The following NLRP12 variants were observed in gnomAD, a reference collection of about 807,000 sequenced individuals.
NLRP12 encodes the protein NLR family pyrin domain containing 12.
In NLRP12, 108 loss-of-function variants were observed where a neutral mutation model predicts 91.2. The observed-to-expected ratio is 1.18, with a 90% confidence interval of 1.01 to 1.39. The LOEUF (loss-of-function observed/expected upper bound fraction) is 1.39. Among genes scored for constraint, NLRP12 ranks in the 40% most tolerant of loss-of-function variants. NLRP12 has a pLI of 0.00. For synonymous variants in NLRP12, 613 were observed against 566.7 expected (o/e 1.08, Z -1.16); for missense variants, 1,530 against 1,352.7 (o/e 1.13, Z -2.06).
rs372372169 is a variant in NLRP12 at position 53,801,247 on chromosome 19, C to T, written c.2736G>A (p.Thr912=). 5.0e-6 allele frequency: 8 copies of T among 1,613,770 alleles called. No individual in the cohort carries two copies. The highest frequency in any genetic ancestry group is 2.2e-5 in the South Asian group (2 of 91,072). The stretch of plus-strand genomic sequence containing the variant: ...CTCACCGCAGGGTCTGGAGCTTGCA[C>T]GTGGGATGCCTGAGGCCCTCACACA... ...LLLCEGLRHP[T]CKLQTLRLGI... is the part of the protein sequence containing the mutation. The change falls in exon 7 of 10, where the codon ACG becomes ACA. Residue 912 remains threonine (T), a synonymous_variant. Transcript: ENST00000324134.
intron 5 of NLRP12, 137 bp from the exon 6 acceptor site, chr19:53,804,259 ATCAACTCGCTG>A: frequency 3.1e-6 from 3 of 974,740 alleles, no homozygotes; most frequent in Non-Finnish European, 4.7e-6. Context: ...GTGGAGTGAT[ATCAACTCGCTG>A]AAGCCTCGAC....
chr19:53,796,504 C>G (rs1396405104), intron 8 of NLRP12, among the ~76,000 whole-genome samples: 3 of 152,014 alleles, frequency 2.0e-5, no homozygotes, highest in Non-Finnish European at 4.4e-5. Flanking sequence ...GCCTCAGCCT[C>G]CCAAAGTGCT....
Position 53,795,944 on chromosome 19 carries a change from G to T in NLRP12, c.3013C>A (p.Leu1005Met). The T allele has an allele frequency of 1.2e-6, 2 of 1,614,170 alleles. No homozygotes were observed. Among genetic ancestry groups the T allele is most frequent in the Non-Finnish European group, 1.7e-6 (2 of 1,180,028 alleles). Residue 1005 changes from leucine (L) to methionine (M), a missense_variant, in exon 9 of 10, where the codon CTG becomes ATG. Leu to Met is a conservative substitution (Grantham distance 15). Transcript: ENST00000324134. ...GINQTLTDLY[L>M]TNNALGDTGV... ...GTGTCCCCTAGGGCGTTGTTGGTCA[G>T]GTAAAGGTCGGTCAAGGTCTGGTTG... is the stretch of plus-strand genomic sequence containing the variant.
Position 53,801,261 on chromosome 19 carries a change from G to A in NLRP12, c.2722C>T (p.Leu908Phe). The A allele has an allele frequency of 1.2e-6, 2 of 1,613,844 alleles. No individual in the cohort carries two copies. The highest frequency in any genetic ancestry group is 1.1e-5 in the South Asian group (1 of 91,068). Reference protein sequence around the residue: ...DLGVLLLCEGLRHPTCKLQTL... With the variant: ...DLGVLLLCEGFRHPTCKLQTL... ...TGGAGCTTGCACGTGGGATGCCTGA[G>A]GCCCTCACACAGCAGCAGCACCCCG... Residue 908 changes from leucine (L) to phenylalanine (F), a missense_variant, in exon 7 of 10, where the codon CTC becomes TTC. Coordinates refer to ENST00000324134, the MANE Select transcript of NLRP12 (RefSeq NM_144687.4).
intron 6 of NLRP12, among the ~76,000 whole-genome samples, chr19:53,801,648 T>C (rs2091876910): frequency 6.6e-6 from 1 of 151,594 alleles, no homozygotes; most frequent in Non-Finnish European, 1.5e-5. Flanking sequence ...AGACAGGGTT[T>C]CTCGCCATGT....
At chr19:53,805,520 G>A in intron 4 of NLRP12, 70 bp from the exon 5 acceptor site, 1 of 1,195,448 alleles carries the variant, frequency 8.4e-7, no homozygotes. Context: ...ATTTTCTTTT[G>A]CTTTTTTTTT....
intron 4 of NLRP12, among the ~76,000 whole-genome samples, 182 bp downstream of exon 4, chr19:53,807,313 C>T (rs2091975738): frequency 6.6e-6 from 1 of 152,182 alleles, no homozygotes; most frequent in Admixed American, 6.5e-5. Context: ...AGTGATCTGC[C>T]CGCCTTCACC....
chr19:53,813,925 C>G (rs2092118961), intron 2 of NLRP12, among the ~76,000 whole-genome samples: 1 of 151,626 alleles, frequency 6.6e-6, no homozygotes, highest in African/African-American at 2.4e-5. Flanking sequence ...CAGAGCCTGG[C>G]CTCCCAAAGT....
chr19:53,807,550 C>T lies in NLRP12; in HGVS notation c.2188G>A (p.Val730Met), dbSNP rs776527127. ...LYRNALGSRG[V>M]KLLCQGLRHP... is the part of the protein sequence containing the mutation. ...CTGAGTCCTTGACAGAGCAGCTTCACCCCCCGGCTGCCCAGGGCATTTCGG... is the reference window on the plus strand; with the variant it reads ...CTGAGTCCTTGACAGAGCAGCTTCATCCCCCGGCTGCCCAGGGCATTTCGG... The change falls in exon 4 of 10, where the codon GTG becomes ATG. Residue 730 changes from valine to methionine, a missense_variant. Val to Met is a conservative substitution (Grantham distance 21). Coordinates refer to ENST00000324134, the MANE Select transcript of NLRP12 (RefSeq NM_144687.4). 3.1e-6 allele frequency: 5 copies of T among 1,613,692 alleles called. No homozygotes were observed. Among genetic ancestry groups the T allele is most frequent in the South Asian group, 1.1e-5 (1 of 91,070 alleles).
Position 53,798,428 on chromosome 19 carries a change from T to G in NLRP12, c.2757-15A>C, listed in dbSNP as rs745707796. On this transcript the variant is annotated splice_polypyrimidine_tract_variant and intron_variant, in intron 7 of 9. Coordinates refer to ENST00000324134, the MANE Select transcript of NLRP12 (RefSeq NM_144687.4). ...AGATGCCCAACCTGCAAAGACAGGA[T>G]GCTAGGGCGGAGTGGGAGGCATTCC... 1.2e-6 allele frequency: 2 copies of G among 1,612,618 alleles called. No individual in the cohort carries two copies. The highest frequency in any genetic ancestry group is 1.7e-6 in the Non-Finnish European group (2 of 1,179,414).
At chr19:53,819,451 A>ATG (rs1463710304) in intron 1 of NLRP12, among the ~76,000 whole-genome samples, 8 of 10,726 alleles carry the variant, frequency 7.5e-4, no homozygotes, top group East Asian at 2.3e-3. Flanking sequence ...ATATATATAT[A>ATG]TATATATGTG....
intron 3 of NLRP12, 156 bp from the exon 4 acceptor site, chr19:53,807,821 G>T: frequency 2.5e-6 from 2 of 793,116 alleles, no homozygotes; most frequent in Non-Finnish European, 4.2e-6. Context: ...CGCAATCTCA[G>T]CTCACCACAA....
In NLRP12 at chr19:53,810,293, GT is replaced by G; in HGVS notation, c.1365del (p.Asn457ThrfsTer30). ...PKPGAPRLQP[P>X]PNQRGLCSLA... is the part of the protein sequence containing the mutation. ...AAGGAGCACAACCCTCTCTGGTTGG[GT>G]GGGGGCTGGAGGCGCGGGGCCCCCG... is the stretch of plus-strand genomic sequence containing the variant. On this transcript the variant is annotated frameshift_variant, in exon 3 of 10. Coordinates refer to ENST00000324134, the MANE Select transcript of NLRP12 (RefSeq NM_144687.4). LOFTEE classifies it high-confidence loss of function. 6.2e-7 allele frequency: 1 copy of G among 1,614,024 alleles called. No individual in the cohort carries two copies. Among genetic ancestry groups the G allele is most frequent in the South Asian group, 1.1e-5 (1 of 91,086 alleles).
intron 6 of NLRP12, among the ~76,000 whole-genome samples, chr19:53,803,338 C>T (rs774119147): frequency 1.8e-4 from 27 of 152,032 alleles, no homozygotes; most frequent in East Asian, 1.9e-4. Flanking sequence ...TGTGCCACCA[C>T]GCCTGGCTAA....
chr19:53,804,382 G>A (rs967318765), intron 5 of NLRP12, among the ~76,000 whole-genome samples: 4 of 119,008 alleles, frequency 3.4e-5, no homozygotes, highest in Non-Finnish European at 5.6e-5. Flanking sequence ...TTTGTTTTTT[G>A]TTTTTTTTGG....
intron 1 of NLRP12, among the ~76,000 whole-genome samples, chr19:53,818,476 G>A (rs2092196197): frequency 6.6e-6 from 1 of 151,962 alleles, no homozygotes; most frequent in African/African-American, 2.4e-5. Flanking sequence ...GACCATCCTG[G>A]CTAATATGGT....
intron 3 of NLRP12, among the ~76,000 whole-genome samples, chr19:53,809,247 C>T (rs993899263): frequency 6.6e-5 from 9 of 135,738 alleles, no homozygotes; most frequent in East Asian, 2.1e-4. Flanking sequence ...AAAAAAAAAT[C>T]GTGGGCCGGG....
At chr19:53,806,246 G>T (rs974257648) in intron 4 of NLRP12, among the ~76,000 whole-genome samples, 2 of 151,564 alleles carry the variant, frequency 1.3e-5, no homozygotes, top group African/African-American at 2.4e-5. Flanking sequence ...AATAACATAT[G>T]AAAAAAATTT....
At chr19:53,806,835 G>A (rs2091967284) in intron 4 of NLRP12, among the ~76,000 whole-genome samples, 1 of 147,796 alleles carries the variant, frequency 6.8e-6, no homozygotes, top group South Asian at 2.2e-4. Flanking sequence ...TCCAGCCTGG[G>A]TGACAGAGCA....
Sources: allele counts gnomAD v4.1 joint callset (sites outside exome capture counted in the v4.1 genomes callset), GRCh38; gene constraint gnomAD v4.1.1; transcripts MANE v1.5; gene names NCBI Gene and HGNC (gene_info 2026-07-23, HGNC 2026-07-21).